The following SLC4A9 variants were observed in gnomAD, a reference collection of about 807,000 sequenced individuals.
SLC4A9 encodes the protein solute carrier family 4 member 9, also known as anion exchange protein 4.
In SLC4A9, 102 loss-of-function variants were observed where a neutral mutation model predicts 103.2. That is an observed-to-expected ratio of 0.99 (90% CI 0.84 to 1.17). The LOEUF (loss-of-function observed/expected upper bound fraction) is 1.17, where lower values mean the gene tolerates loss of function less well. Among genes scored for constraint, SLC4A9 ranks in the 50% most tolerant of loss-of-function variants. The probability of loss-of-function intolerance (pLI) is 0.00; values close to 1 mark genes in which losing one functional copy is unlikely to be tolerated. For missense variants in SLC4A9, 1,091 were observed against 1,193.7 expected (o/e 0.91, Z 1.27); for synonymous variants, 453 against 483.6 (o/e 0.94, Z 0.83).
chr5:140,360,973 G>T lies in SLC4A9; in HGVS notation c.391+1G>T, dbSNP rs766361640. On this transcript the variant is annotated splice_donor_variant, in intron 2 of 21. Transcript: ENST00000506757. LOFTEE classifies it high-confidence loss of function. ...GCTCAGAGCCTCCTGGAGCTCGTGG[G>T]TAGGCTGGGATCCTTTGCAGGAAGG... The T allele has an allele frequency of 2.5e-6, 4 of 1,570,630 alleles. No homozygotes were observed. Among genetic ancestry groups the T allele is most frequent in the Non-Finnish European group, 3.5e-6 (4 of 1,157,282 alleles).
intron 21 of SLC4A9, 73 bp from the exon 22 acceptor site, chr5:140,374,753 AC>A (rs1769261736): frequency 6.6e-6 from 1 of 152,036 alleles, no homozygotes; most frequent in Non-Finnish European, 1.5e-5. Context: ...CTTTGGCCTC[AC>A]CATGTCTTCT....
rs2126770168 is a variant in SLC4A9 at position 140,366,234 on chromosome 5, A to G, written c.1983A>G (p.Thr661=). 6.2e-7 allele frequency: 1 copy of G among 1,601,334 alleles called. No homozygotes were observed. Among genetic ancestry groups the G allele is most frequent in the South Asian group, 1.1e-5 (1 of 89,564 alleles). The change falls in exon 14 of 22, where the codon ACA becomes ACG. Residue 661 remains threonine (T), a synonymous_variant. Transcript: ENST00000506757. ...TTGATGCTTTCCTGGGCCTAGCCAC[A>G]CCAAAGCTCATGGTACCCAGAGAGT... ...CGLDAFLGLA[T]PKLMVPREFK...
At position 140,360,212 on chromosome 5, in the gene SLC4A9, G is replaced by A. The variant is rs765891945; in HGVS notation, c.-25G>A. ...TGGCTTCAGAACCTAGGACTGTACT[G>A]GTTCTGAGATTCTGTGCAAGCCTCA... On this transcript the variant is annotated 5_prime_UTR_variant, in exon 1 of 22. Coordinates refer to ENST00000506757, the MANE Select transcript of SLC4A9 (RefSeq NM_031467.3). 2 of 1,595,876 alleles carry A rather than the reference G, an allele frequency of 1.3e-6. No homozygotes were observed. The highest frequency in any genetic ancestry group is 1.1e-5 in the South Asian group (1 of 88,754).
chr5:140,365,472 G>A (rs780568603), intron 11 of SLC4A9, 48 bp from the exon 12 acceptor site: 4 of 1,532,036 alleles, frequency 2.6e-6, no homozygotes, highest in Non-Finnish European at 3.6e-6. Context: ...GGCTGGAGGA[G>A]GTTCCCAGGG....
At position 140,363,061 on chromosome 5, in the gene SLC4A9, C is replaced by G. The variant is rs1338014039; in HGVS notation, c.957C>G (p.His319Gln). The G allele has an allele frequency of 6.2e-7, 1 of 1,612,958 alleles. No individual in the cohort carries two copies. Among genetic ancestry groups the G allele is most frequent in the Non-Finnish European group, 8.5e-7 (1 of 1,179,656 alleles). ...CGCCCAAATGTCTGCCATCTCAGCA[C>G]AAAAGGTACCTGGGAGCCATCATCC... ...IPPPKCLPSQ[H>Q]KRLPSQQREI... The change falls in exon 7 of 22, where the codon CAC (histidine) becomes CAG (glutamine). Residue 319 changes from histidine (H) to glutamine (Q), a missense_variant. His to Gln is a conservative substitution (Grantham distance 24). Transcript: ENST00000506757. This position sits in a 1 kb window ranked among gnomAD's most constrained non-coding sequence, Gnocchi z 4.5.
rs780402598 is a variant in SLC4A9 at position 140,371,437 on chromosome 5, T to C, written c.2497-14T>C. The C allele has an allele frequency of 3.7e-6, 6 of 1,613,840 alleles. No individual in the cohort carries two copies. The highest frequency in any genetic ancestry group is 5.1e-6 in the Non-Finnish European group (6 of 1,179,766). Reference sequence around the variant, plus strand: ...CCTGAGTGCCCTGCTTTCCTCTTCCTCTTGTTCCCCTAGTTCACTAATAGG... The same window carrying C: ...CCTGAGTGCCCTGCTTTCCTCTTCCCCTTGTTCCCCTAGTTCACTAATAGG... On this transcript the variant is annotated splice_polypyrimidine_tract_variant and intron_variant, in intron 18 of 21. Transcript: ENST00000506757.
Position 140,371,170 on chromosome 5 carries a change from C to G in SLC4A9, c.2496+7C>G. 1.2e-6 allele frequency: 2 copies of G among 1,606,598 alleles called. No homozygotes were observed. Among genetic ancestry groups the G allele is most frequent in the South Asian group, 2.2e-5 (2 of 89,904 alleles). ...AGCGCTCAGCAGCATTCAGGTGAGCCCATTAAAATCACCTAACAAAAGAAA... is the reference window on the plus strand; with the variant it reads ...AGCGCTCAGCAGCATTCAGGTGAGCGCATTAAAATCACCTAACAAAAGAAA... On this transcript the variant is annotated splice_region_variant and intron_variant, in intron 18 of 21. Transcript: ENST00000506757.
chr5:140,364,588 T>C lies in SLC4A9; in HGVS notation c.1614T>C (p.Ser538=). 1 of 1,600,744 alleles carries C rather than the reference T, an allele frequency of 6.2e-7. No individual in the cohort carries two copies. The highest frequency in any genetic ancestry group is 8.5e-7 in the Non-Finnish European group (1 of 1,173,496). ...HTYPIQKPGS[S]AYGCLCQYPG... Reference sequence around the variant, plus strand: ...ATCCTATCCAGAAGCCTGGGTCCTCTGCCTACGGGTGCCTCTGCCAATACC... The same window carrying C: ...ATCCTATCCAGAAGCCTGGGTCCTCCGCCTACGGGTGCCTCTGCCAATACC... The change falls in exon 11 of 22, where the codon TCT becomes TCC. Residue 538 remains serine, a synonymous_variant. Transcript: ENST00000506757.
In SLC4A9 at chr5:140,367,465, A is replaced by C. The variant is rs1768051569; in HGVS notation, c.2059A>C (p.Asn687His). ...CTGGCTGGTGTCACCTTTTGGAGCC[A>C]ACCCCTGGTGGTGGAGTGTGGCAGC... ...RGWLVSPFGA[N>H]PWWWSVAAAL... Residue 687 changes from asparagine to histidine, a missense_variant, in exon 15 of 22, where the codon AAC (asparagine) becomes CAC (histidine). By Grantham distance (68) the Asn-to-His change is moderately conservative. Coordinates refer to ENST00000506757, the MANE Select transcript of SLC4A9 (RefSeq NM_031467.3). 1 of 1,609,932 alleles carries C rather than the reference A, an allele frequency of 6.2e-7. No individual in the cohort carries two copies.
rs1003327226 is a variant in SLC4A9, at chr5:140,371,700, C to T, written c.2670+76C>T. The T allele has an allele frequency of 7.3e-6, 11 of 1,510,490 alleles. No homozygotes were observed. The African/African-American group carries it at 1.4e-4, about 19-fold the overall frequency. 93.6% of individuals were successfully genotyped at this position (1,510,490 alleles called of 1,614,324 possible). On this transcript the variant is annotated intron_variant, in intron 19 of 21. Transcript: ENST00000506757. ...GAGCCTGGAAGGGTGGCCAAGGCCTCCACGAGAGGAAGAATCTCCCCTCTC... is the reference window on the plus strand; with the variant it reads ...GAGCCTGGAAGGGTGGCCAAGGCCTTCACGAGAGGAAGAATCTCCCCTCTC...
At chr5:140,365,633 T>A (rs1767769235) in intron 12 of SLC4A9, 55 bp downstream of exon 12, 6 of 1,572,482 alleles carry the variant, frequency 3.8e-6, no homozygotes, top group Non-Finnish European at 5.2e-6. Context: ...ACCAAGGCAG[T>A]CGGTGGTTTC....
At chr5:140,370,128 T>C (rs1449328198) in intron 17 of SLC4A9, among the ~76,000 whole-genome samples, 1 of 152,182 alleles carries the variant, frequency 6.6e-6, no homozygotes, top group East Asian at 1.9e-4. Flanking sequence ...GAAATCATTT[T>C]TCTAACCTTA....
At chr5:140,364,700 C>G in intron 11 of SLC4A9, 75 bp downstream of exon 11, 1 of 1,519,878 alleles carries the variant, frequency 6.6e-7, no homozygotes, top group Non-Finnish European at 8.9e-7. Flanking sequence ...CCCTTACTAT[C>G]CCCCCTGGTT....
At chr5:140,373,267 C>T (rs982569364) in intron 21 of SLC4A9, among the ~76,000 whole-genome samples, 1 of 152,228 alleles carries the variant, frequency 6.6e-6, no homozygotes, top group Non-Finnish European at 1.5e-5. Context: ...ATCACTTGTC[C>T]TCTCTGCCAT....
chr5:140,360,707 CCCAGGATGCCCTCATTG>C (rs781492938), intron 1 of SLC4A9, 88 bp from the exon 2 acceptor site: 1 of 1,546,206 alleles, frequency 6.5e-7, no homozygotes, highest in South Asian at 1.2e-5. Context: ...CACCACTGGG[CCCAGGATGCCCTCATTG>C]CCTTGCCTTC....
chr5:140,368,491 G>A, intron 16 of SLC4A9, 96 bp from the exon 17 acceptor site: 1 of 997,426 alleles, frequency 1.0e-6, no homozygotes, highest in Non-Finnish European at 1.5e-6. Context: ...GTTTTCTCTT[G>A]CTGCCGGGGT....
rs1470939263 is a variant in SLC4A9, at chr5:140,366,022, G to A, written c.1899G>A (p.Val633=). The change falls in exon 13 of 22, where the codon GTG becomes GTA. Residue 633 remains valine (V), a splice_region_variant and synonymous_variant. Transcript: ENST00000506757. ...CVKTSRFFPS[V]VRKGLSDFSS... ...AGACCAGCCGCTTCTTCCCCTCTGT[G>A]GTGAGTTTCACCTTTCTTTCTGTGG... The A allele has an allele frequency of 2.5e-6, 4 of 1,613,878 alleles. 1 individual carries two copies. The South Asian group carries it at 4.4e-5, about 18-fold the overall frequency.
intron 6 of SLC4A9, 50 bp downstream of exon 6, chr5:140,362,582 G>T (rs1187516798): frequency 1.1e-5 from 17 of 1,546,442 alleles, no homozygotes; most frequent in Non-Finnish European, 1.5e-5. Context: ...GCATGCCTGT[G>T]TGTGTGTGCA....
chr5:140,361,395 C>G (rs1266210641), intron 3 of SLC4A9, 28 bp downstream of exon 3: 1 of 1,526,106 alleles, frequency 6.6e-7, no homozygotes, highest in Non-Finnish European at 8.9e-7. Flanking sequence ...GGCCCAGGAC[C>G]AAGACCCTGG....
Sources: allele counts gnomAD v4.1 joint callset (sites outside exome capture counted in the v4.1 genomes callset), GRCh38; gene constraint gnomAD v4.1.1; non-coding constraint Gnocchi (gnomAD v3.1); transcripts MANE v1.5; gene names NCBI Gene and HGNC (gene_info 2026-07-23, HGNC 2026-07-21).